CAMTA1: variants seen among roughly 807,000 people sequenced by gnomAD.
The protein encoded by CAMTA1 is calmodulin binding transcription activator 1, also known as calmodulin-binding transcription activator 1.
CAMTA1 carries 27 observed loss-of-function variants against 170.9 expected under a neutral mutation model. The observed-to-expected ratio is 0.16, with a 90% CI of 0.12 to 0.22. CAMTA1 has a LOEUF of 0.22. Among genes scored for constraint, CAMTA1 ranks in the 10% least tolerant of loss-of-function variants. The pLI is 1.00. For synonymous variants in CAMTA1, 833 were observed against 891.5 expected (o/e 0.93, Z 1.17); for missense variants, 1,619 against 2,217.2 (o/e 0.73, Z 5.42).
chr1:7,647,100 C>T (rs1023696810), intron 7 of CAMTA1, among the ~76,000 whole-genome samples: 1 of 152,202 alleles, frequency 6.6e-6, no homozygotes, highest in Non-Finnish European at 1.5e-5. Context: ...CCAGCACCTG[C>T]TCTCCAGGGA....
chr1:6,950,033 C>A (rs1448823035), intron 3 of CAMTA1, among the ~76,000 whole-genome samples: 2 of 152,232 alleles, frequency 1.3e-5, no homozygotes, highest in African/African-American at 4.8e-5. Context: ...CCCATGCAGG[C>A]CCTATGACAC....
intron 3 of CAMTA1, among the ~76,000 whole-genome samples, chr1:6,977,806 A>C (rs1177053571): frequency 6.6e-6 from 1 of 152,220 alleles, no homozygotes; most frequent in Non-Finnish European, 1.5e-5. Flanking sequence ...GGTTTTAAAA[A>C]ATTTTCCTTT....
chr1:6,956,198 G>T (rs1161457396), intron 3 of CAMTA1, among the ~76,000 whole-genome samples: 3 of 152,158 alleles, frequency 2.0e-5, no homozygotes, highest in Non-Finnish European at 4.4e-5. Flanking sequence ...TGCTCACTAT[G>T]GTGGGGTCCC....
Position 7,435,655 on chromosome 1 carries a change from C to T in CAMTA1, c.439-32175C>T, listed in dbSNP as rs2092323221. Among the ~76,000 whole-genome samples, 1 of 152,210 alleles carries T rather than the reference C, an allele frequency of 6.6e-6. No individual in the cohort carries two copies. Among genetic ancestry groups the T allele is most frequent in the African/African-American group, 2.4e-5 (1 of 41,458 alleles). ...CGCCTCAGAAAGAACCAGGCAGCCT[C>T]CTTCTGACCAGGCAAGGGCTGGCCG... On this transcript the variant is annotated intron_variant, in intron 5 of 22. Coordinates refer to ENST00000303635, the MANE Select transcript of CAMTA1 (RefSeq NM_015215.4). This position sits in a 1 kb window ranked among gnomAD's most constrained non-coding sequence, Gnocchi z 4.4.
intron 6 of CAMTA1, among the ~76,000 whole-genome samples, chr1:7,523,082 G>T (rs202185841): frequency 2.6e-5 from 4 of 152,232 alleles, no homozygotes; most frequent in Non-Finnish European, 4.4e-5. Context: ...GGCCAGGCTG[G>T]TCTCAAACTC....
intron 5 of CAMTA1, among the ~76,000 whole-genome samples, chr1:7,267,960 C>T (rs1669173347): frequency 6.6e-6 from 1 of 152,174 alleles, no homozygotes; most frequent in East Asian, 1.9e-4. Flanking sequence ...CTTCCAATGG[C>T]CATGGCAAAG....
intron 5 of CAMTA1, among the ~76,000 whole-genome samples, chr1:7,271,125 A>G (rs1316085568): frequency 6.6e-6 from 1 of 152,168 alleles, no homozygotes; most frequent in Non-Finnish European, 1.5e-5. Context: ...CTAAGGAAGT[A>G]ATTATGGTTA....
At chr1:7,305,843 T>C (rs1675506352) in intron 5 of CAMTA1, among the ~76,000 whole-genome samples, 1 of 152,078 alleles carries the variant, frequency 6.6e-6, no homozygotes, top group African/African-American at 2.4e-5. Flanking sequence ...ATTTTGTTTT[T>C]TGGCTATTTT....
intron 5 of CAMTA1, among the ~76,000 whole-genome samples, chr1:7,359,526 T>A (rs1039044267): frequency 6.6e-6 from 1 of 152,168 alleles, no homozygotes; most frequent in African/African-American, 2.4e-5. Context: ...CTCACCCCAT[T>A]CGACGGCACC....
Position 7,140,177 on chromosome 1 carries a change from GAT to G in CAMTA1, c.302+48807_302+48808del, listed in dbSNP as rs574616267. The stretch of plus-strand genomic sequence containing the variant: ...GCCAGGATTCGAACCAGGGCTGCTT[GAT>G]CCACAGTCCAGCTTCTCAAGCCCAA... On this transcript the variant is annotated intron_variant, in intron 4 of 22. Transcript: ENST00000303635. 1.1e-4 allele frequency among the ~76,000 whole-genome samples: 17 copies of G among 152,332 alleles called. No homozygotes were observed. In the East Asian group the frequency reaches 3.3e-3, roughly 29 times the overall value.
intron 3 of CAMTA1, among the ~76,000 whole-genome samples, chr1:7,084,471 G>C (rs1001849697): frequency 6.6e-6 from 1 of 152,190 alleles, no homozygotes; most frequent in Non-Finnish European, 1.5e-5. Context: ...AGAGAGCCGG[G>C]GCTGAGAAGT....
rs1251937072 is a variant in CAMTA1 at position 7,146,740 on chromosome 1, C to G, written c.302+55369C>G. On this transcript the variant is annotated intron_variant, in intron 4 of 22. Coordinates refer to ENST00000303635, the MANE Select transcript of CAMTA1 (RefSeq NM_015215.4). The surrounding 1 kb of genome is among the most constrained non-coding windows in gnomAD (Gnocchi z 4.3). ...CGTATTGCACACACACAAACACACA[C>G]TCAAACATAAACCATGCACACACAC... 6.6e-6 allele frequency among the ~76,000 whole-genome samples: 1 copy of G among 151,972 alleles called. No individual in the cohort carries two copies. Among genetic ancestry groups the G allele is most frequent in the Non-Finnish European group, 1.5e-5 (1 of 68,004 alleles).
chr1:6,861,364 A>T (rs1664622261), intron 3 of CAMTA1, among the ~76,000 whole-genome samples: 1 of 152,206 alleles, frequency 6.6e-6, no homozygotes, highest in East Asian at 1.9e-4. Flanking sequence ...TTGTAGGTTA[A>T]CGAAAACTAA....
chr1:7,761,123 A>G (rs753655557), intron 22 of CAMTA1, among the ~76,000 whole-genome samples: 2 of 152,236 alleles, frequency 1.3e-5, no homozygotes, highest in Non-Finnish European at 2.9e-5. Context: ...CTACAATGGT[A>G]TCCCAGAGTG....
intron 4 of CAMTA1, among the ~76,000 whole-genome samples, chr1:7,177,599 C>T (rs963666266): frequency 2.0e-5 from 3 of 151,038 alleles, no homozygotes; most frequent in Non-Finnish European, 4.4e-5. Context: ...TACCGAGGCC[C>T]CTCCCATACA....
chr1:7,018,368 A>C (rs961762956), intron 3 of CAMTA1, among the ~76,000 whole-genome samples: 1 of 152,168 alleles, frequency 6.6e-6, no homozygotes, highest in African/African-American at 2.4e-5. Flanking sequence ...CGCAGTGCTT[A>C]TGATGTAGGG....
intron 3 of CAMTA1, among the ~76,000 whole-genome samples, chr1:6,957,441 G>A (rs958862695): frequency 6.6e-6 from 1 of 152,102 alleles, no homozygotes; most frequent in African/African-American, 2.4e-5. Flanking sequence ...TAAAATCAAG[G>A]TGTTGGCAGG....
intron 6 of CAMTA1, among the ~76,000 whole-genome samples, chr1:7,501,618 G>GTTTTTTTTTTTTTTTT (rs56182115): frequency 6.7e-6 from 1 of 149,532 alleles, no homozygotes; most frequent in Non-Finnish European, 1.5e-5. Context: ...ATAAACAACA[G>GTTTTTTTTTTTTTTTT]TTTTTTTTTT....
At chr1:7,211,739 G>A (rs2149073321) in intron 4 of CAMTA1, among the ~76,000 whole-genome samples, 1 of 152,348 alleles carries the variant, frequency 6.6e-6, no homozygotes, top group Middle Eastern at 3.4e-3. Context: ...CCAGCTGTGT[G>A]CCTTGCGAGT....
Sources: gnomAD v4.1 joint callset for allele counts (sites outside exome capture counted in the v4.1 genomes callset) on GRCh38, gnomAD v4.1.1 for gene constraint, Gnocchi (gnomAD v3.1) non-coding constraint, MANE v1.5 for transcripts, NCBI Gene and HGNC (gene_info 2026-07-23, HGNC 2026-07-21) for gene names.